Variants in ZSCAN18 observed in about 807,000 individuals in gnomAD.
The protein encoded by ZSCAN18 is zinc finger and SCAN domain containing 18.
In ZSCAN18, 16 loss-of-function variants were observed where a neutral mutation model predicts 31.1. The ratio of observed to expected loss-of-function variants is 0.51; its 90% confidence interval spans 0.35 to 0.78. The LOEUF is 0.78. ZSCAN18 is among the 30% of genes least tolerant of loss of function. The pLI is 0.01. For missense variants in ZSCAN18, 731 were observed against 697.4 expected (o/e 1.05, Z -0.54); for synonymous variants, 375 against 320.7 (o/e 1.17, Z -1.81).
At chr19:58,111,335 A>T (rs2074681828) in intron 1 of ZSCAN18, among the ~76,000 whole-genome samples, 1 of 152,052 alleles carries the variant, frequency 6.6e-6, no homozygotes, top group African/African-American at 2.4e-5. Context: ...TGCATGGTTA[A>T]AACTGAACCC....
upstream of ZSCAN18, among the ~76,000 whole-genome samples, chr19:58,099,571 G>A (rs2074574998): frequency 6.6e-6 from 1 of 152,072 alleles, no homozygotes; most frequent in African/African-American, 2.4e-5. Context: ...AGATTTTTCT[G>A]TGAACGTAAG....
At chr19:58,094,700 A>C (rs901629603) in intron 1 of ZSCAN18, among the ~76,000 whole-genome samples, 4 of 151,650 alleles carry the variant, frequency 2.6e-5, no homozygotes, top group Non-Finnish European at 4.4e-5. Flanking sequence ...CAACATACCA[A>C]AACTTCATCT....
chr19:58,085,914 C>T (rs1412844319), intron 6 of ZSCAN18: 4 of 451,258 alleles, frequency 8.9e-6, no homozygotes, highest in Non-Finnish European at 1.6e-5. Context: ...ACGGCCACCC[C>T]CGGGACCAGT....
At chr19:58,091,250 G>A (rs963008094) in intron 1 of ZSCAN18, among the ~76,000 whole-genome samples, 9 of 136,908 alleles carry the variant, frequency 6.6e-5, no homozygotes, top group Non-Finnish European at 9.4e-5. Context: ...CCTGGGCAAC[G>A]GTGAGACTCT....
rs760153250 is a variant in ZSCAN18 at position 58,084,709 on chromosome 19, G to A, written c.1509C>T (p.Pro503=). 13 of 1,503,218 alleles carry A rather than the reference G, an allele frequency of 8.6e-6. No individual in the cohort carries two copies. The East Asian group carries it at 1.2e-4, about 13-fold the overall frequency. The allele number at this position is 1,503,218 out of a possible 1,614,324, so 93.1% of individuals were successfully genotyped here. ...PPESVEGEAP[P]APPEAQR ...CTCACCTCTGCGCCTCTGGGGGTGC[G>A]GGGGGAGCCTCGCCCTCCACGCTCT... The change falls in exon 7 of 7, where the codon CCC becomes CCT. Residue 503 remains proline (P), a synonymous_variant. Transcript: ENST00000601144. This position sits in a 1 kb window ranked among gnomAD's most constrained non-coding sequence, Gnocchi z 4.5.
At chr19:58,108,906 T>G (rs2554981) in intron 1 of ZSCAN18, 172,395 of 1,028,358 alleles carry the variant, frequency 0.17, 14,469 homozygotes, top group Admixed American at 0.19. Flanking sequence ...TGATGGCTGC[T>G]CTACAGTCAT....
rs2287837 is a variant in ZSCAN18, at chr19:58,087,303, C to A, written c.642+13G>T. The A allele has an allele frequency of 9.4e-6, 15 of 1,593,986 alleles. No homozygotes were observed. The highest frequency in any genetic ancestry group is 1.2e-5 in the Non-Finnish European group (14 of 1,169,700). ...GGCCAAGGCCCCTCACCCACCTGCT[C>A]GTGCCCACCCACCTGCTCGGTGTTG... On this transcript the variant is annotated intron_variant, in intron 4 of 6. Coordinates refer to ENST00000601144, the MANE Select transcript of ZSCAN18 (RefSeq NM_001145543.2).
At chr19:58,099,176 G>A (rs1458292779), upstream of ZSCAN18, among the ~76,000 whole-genome samples, 1 of 151,962 alleles carries the variant, frequency 6.6e-6, no homozygotes, top group African/African-American at 2.4e-5. Context: ...TCAGTTTTAT[G>A]AATTTTAACT....
chr19:58,101,239 T>A (rs946505536), upstream of ZSCAN18, among the ~76,000 whole-genome samples: 19 of 150,970 alleles, frequency 1.3e-4, no homozygotes, highest in Non-Finnish European at 2.1e-4. Flanking sequence ...TTCACGCCAT[T>A]CTCCTGCCTC....
chr19:58,105,705 C>G (rs907224005), intron 1 of ZSCAN18, among the ~76,000 whole-genome samples: 1 of 151,982 alleles, frequency 6.6e-6, no homozygotes, highest in East Asian at 1.9e-4. Context: ...TGCAGCTATG[C>G]GTGGTGGCTC....
upstream of ZSCAN18, among the ~76,000 whole-genome samples, chr19:58,100,800 G>A (rs891882427): frequency 2.0e-5 from 3 of 151,882 alleles, no homozygotes; most frequent in Non-Finnish European, 2.9e-5. Flanking sequence ...GCTTGAAACT[G>A]GAAGGCAGGG....
At chr19:58,112,186 C>G (rs1388795687) in intron 1 of ZSCAN18, among the ~76,000 whole-genome samples, 1 of 152,134 alleles carries the variant, frequency 6.6e-6, no homozygotes, top group Non-Finnish European at 1.5e-5. Context: ...ATGCACAAGG[C>G]AAGATTCCCA....
Position 58,090,269 on chromosome 19 carries a change from T to C in ZSCAN18, c.-2A>G. On this transcript the variant is annotated 5_prime_UTR_variant, in exon 2 of 7. Coordinates refer to ENST00000601144, the MANE Select transcript of ZSCAN18 (RefSeq NM_001145543.2). The surrounding 1 kb of genome is among the most constrained non-coding windows in gnomAD (Gnocchi z 4.7). ...AAACGCCTTCTCCAAAGGCAACATCTTTCCAAAACGGCACTGGAAAATGTG... is the reference window on the plus strand; with the variant it reads ...AAACGCCTTCTCCAAAGGCAACATCCTTCCAAAACGGCACTGGAAAATGTG... The C allele has an allele frequency of 6.2e-7, 1 of 1,613,464 alleles. No homozygotes were observed. Among genetic ancestry groups the C allele is most frequent in the Non-Finnish European group, 8.5e-7 (1 of 1,180,020 alleles).
chr19:58,105,246 A>G (rs1370673505), intron 1 of ZSCAN18, among the ~76,000 whole-genome samples: 1 of 152,228 alleles, frequency 6.6e-6, no homozygotes. Context: ...CTGCTCACTG[A>G]CAAGAGCTCT....
chr19:58,107,965 G>A (rs1384480396), intron 1 of ZSCAN18: 1 of 1,058,078 alleles, frequency 9.5e-7, no homozygotes, highest in Non-Finnish European at 1.2e-6. Flanking sequence ...TGCCAGATGA[G>A]GCCCGCGATG....
chr19:58,106,725 AAAAG>A (rs1349222967), intron 1 of ZSCAN18, among the ~76,000 whole-genome samples: 228 of 9,772 alleles, frequency 0.023, 25 homozygotes, highest in African/African-American at 0.043. Context: ...AAAAAAAAAA[AAAAG>A]AAAGAAAGAA....
intron 1 of ZSCAN18, among the ~76,000 whole-genome samples, chr19:58,112,314 T>C (rs770917340): frequency 4.6e-5 from 7 of 152,006 alleles, no homozygotes; most frequent in Admixed American, 4.6e-4. Flanking sequence ...CGATTACAGG[T>C]GTGAGCCATT....
rs151063367 is a variant in ZSCAN18, at chr19:58,104,488, C to T, written c.130+13779G>A. 7.9e-3 allele frequency among the ~76,000 whole-genome samples: 1,201 copies of T among 152,022 alleles called. 26 individuals are homozygous for T. Among genetic ancestry groups the T allele is most frequent in the African/African-American group, 0.027 (1,112 of 41,456 alleles). On this transcript the variant is annotated intron_variant, in intron 1 of 1. Coordinates refer to the ZSCAN18 transcript ENST00000595721. ...CAGAGATGGGCAGATCACCTGAGGT[C>T]AGGAGTTTGAGAACAGCTTGGTCAA...
rs1423477633 is a variant in ZSCAN18 at position 58,085,067 on chromosome 19, C to A, written c.1151G>T (p.Gly384Val). The A allele has an allele frequency of 6.2e-7, 1 of 1,601,396 alleles. No individual in the cohort carries two copies. The highest frequency in any genetic ancestry group is 1.1e-5 in the South Asian group (1 of 89,844). ...PEDGDGQSLE[G>V]VSSSGDSAGL... ...TGCGCTGTCGCCGGAGCTAGAGACG[C>A]CCTCGAGGCTCTGCCCGTCCCCATC... Residue 384 changes from glycine (G) to valine (V), a missense_variant, in exon 7 of 7, where the codon GGC (glycine) becomes GTC (valine). Coordinates refer to ENST00000601144, the MANE Select transcript of ZSCAN18 (RefSeq NM_001145543.2).
Sources: allele counts gnomAD v4.1 joint callset (sites outside exome capture counted in the v4.1 genomes callset), GRCh38; gene constraint gnomAD v4.1.1; non-coding constraint Gnocchi (gnomAD v3.1); transcripts MANE v1.5; gene names NCBI Gene and HGNC (gene_info 2026-07-23, HGNC 2026-07-21).